The following QKI variants were observed in gnomAD, a reference collection of about 807,000 sequenced individuals.
QKI encodes KH domain-containing RNA-binding protein QKI.
A neutral mutation model predicts 39.0 loss-of-function variants in QKI; 10 were observed. That is an observed-to-expected ratio of 0.26 (90% confidence interval 0.16 to 0.43). The LOEUF is 0.43. QKI is among the 20% of genes least tolerant of loss of function. The pLI is 1.00. For synonymous variants in QKI, 204 were observed against 155.4 expected (o/e 1.31, Z -2.33); for missense variants, 218 against 428.0 (o/e 0.51, Z 4.33).
intron 1 of QKI, among the ~76,000 whole-genome samples, chr6:163,433,770 A>G (rs911697736): frequency 2.0e-5 from 3 of 151,968 alleles, no homozygotes; most frequent in Non-Finnish European, 2.9e-5. Flanking sequence ...CCTCTCATAA[A>G]AAAAAAAGAA....
intron 2 of QKI, among the ~76,000 whole-genome samples, chr6:163,458,403 T>C (rs977177519): frequency 2.0e-5 from 3 of 152,214 alleles, no homozygotes; most frequent in African/African-American, 4.8e-5. Context: ...AGGAATCTTT[T>C]TGTCTTTCAG....
intron 7 of QKI, 173 bp downstream of exon 7, chr6:163,566,968 T>C (rs1007000893): frequency 1.4e-6 from 2 of 1,382,038 alleles, no homozygotes; most frequent in Admixed American, 6.9e-5. Context: ...TTTGTTTTGG[T>C]TTGGTTTTTT....
At chr6:163,520,035 A>T (rs1164790173) in intron 3 of QKI, among the ~76,000 whole-genome samples, 1 of 152,158 alleles carries the variant, frequency 6.6e-6, no homozygotes, top group African/African-American at 2.4e-5. Flanking sequence ...CCAGTGAAAC[A>T]TTTTAGAGCT....
At position 163,576,840 on chromosome 6, in the gene QKI, GTTA is replaced by G. The variant is rs762251932; in HGVS notation, c.*6135_*6137del. 2.0e-5 allele frequency: 3 copies of G among 152,190 alleles called. No homozygotes were observed. Among genetic ancestry groups the G allele is most frequent in the Non-Finnish European group, 2.9e-5 (2 of 68,042 alleles). The allele number at this position is 152,190 out of a possible 1,614,324, so 9.4% of individuals were successfully genotyped here. On this transcript the variant is annotated 3_prime_UTR_variant, in exon 8 of 8. Transcript: ENST00000361752. ...AAATGTAAGAATTTGACATTCTGGA[GTTA>G]TTATAACATTAGAAAATGAGCATAA... is the stretch of plus-strand genomic sequence containing the variant.
intron 1 of QKI, among the ~76,000 whole-genome samples, chr6:163,436,622 A>C (rs1324105314): frequency 1.3e-5 from 2 of 151,680 alleles, no homozygotes; most frequent in African/African-American, 4.8e-5. Flanking sequence ...AAGACCAGCC[A>C]GGCCAACATG....
At chr6:163,568,526 G>C (rs553628922) in intron 7 of QKI, 56 of 983,250 alleles carry the variant, frequency 5.7e-5, no homozygotes, top group Non-Finnish European at 6.5e-5. Flanking sequence ...CAGAGTACTC[G>C]TATACTTATC....
chr6:163,438,155 T>C (rs1246825553), intron 1 of QKI, among the ~76,000 whole-genome samples: 1 of 152,164 alleles, frequency 6.6e-6, no homozygotes, highest in African/African-American at 2.4e-5. Context: ...TTAGGTGTCT[T>C]TTCTAAGTAT....
At chr6:163,465,780 C>G (rs114689991) in intron 2 of QKI, among the ~76,000 whole-genome samples, 3 of 151,916 alleles carry the variant, frequency 2.0e-5, no homozygotes, top group African/African-American at 7.3e-5. Flanking sequence ...CAAAAATCAA[C>G]ATACAAAAAT....
rs534572170 is a variant in QKI, at chr6:163,435,815, A to G, written c.143-19464A>G. Among the ~76,000 whole-genome samples the G allele has an allele frequency of 2.0e-5, 3 of 152,282 alleles. No individual in the cohort carries two copies. The South Asian group carries it at 6.2e-4, about 32-fold the overall frequency. On this transcript the variant is annotated intron_variant, in intron 1 of 7. Transcript: ENST00000361752. ...GCTTATAATTAACACTACTGACAGA[A>G]TGTTTGTCATATAAATGATCAGTCT...
intron 1 of QKI, chr6:163,415,942 A>G (rs1302741582): frequency 5.9e-6 from 3 of 510,520 alleles, no homozygotes; most frequent in African/African-American, 5.8e-5. Context: ...AGGAGACCGA[A>G]ATTATGCTGG....
chr6:163,429,301 T>A (rs1788653297), intron 1 of QKI, among the ~76,000 whole-genome samples: 1 of 152,146 alleles, frequency 6.6e-6, no homozygotes, highest in African/African-American at 2.4e-5. Context: ...AAGTTAAAAG[T>A]ACTCATCATG....
Position 163,563,586 on chromosome 6 carries a change from T to C in QKI, c.801T>C (p.Thr267=), listed in dbSNP as rs1340898295. ...QIQTAVMPNG[T]PHPTAAIVPP... Reference sequence around the variant, plus strand: ...AGACCGCTGTCATGCCAAACGGAACTCCTCACCCAACTGCTGCAATAGTTC... The same window carrying C: ...AGACCGCTGTCATGCCAAACGGAACCCCTCACCCAACTGCTGCAATAGTTC... Residue 267 remains threonine, a synonymous_variant, in exon 6 of 8, where the codon ACT becomes ACC. Coordinates refer to ENST00000361752, the MANE Select transcript of QKI (RefSeq NM_006775.3). 6.2e-7 allele frequency: 1 copy of C among 1,614,170 alleles called. No individual in the cohort carries two copies.
chr6:163,431,800 T>TAA lies in QKI; in HGVS notation c.142+16477_142+16478dup, dbSNP rs66790166. Among the ~76,000 whole-genome samples, 957 of 127,254 alleles carry TAA rather than the reference T, an allele frequency of 7.5e-3. 9 individuals carry two copies. The highest frequency in any genetic ancestry group is 0.014 in the Admixed American group (180 of 12,474). 83.5% of individuals were successfully genotyped at this position (127,254 alleles called of 152,430 possible). On this transcript the variant is annotated intron_variant, in intron 1 of 7. Coordinates refer to ENST00000361752, the MANE Select transcript of QKI (RefSeq NM_006775.3). The stretch of plus-strand genomic sequence containing the variant: ...ATTTGGAAGGCCCTAAAGATTTTTG[T>TAA]AAAAAAAAAAAAACAAAAAACTGTT...
At position 163,577,560 on chromosome 6, in the gene QKI, T is replaced by C. The variant is rs1777647610; in HGVS notation, c.*6850T>C. 1 of 152,504 alleles carries C rather than the reference T, an allele frequency of 6.6e-6. No individual in the cohort carries two copies. Among genetic ancestry groups the C allele is most frequent in the Non-Finnish European group, 1.5e-5 (1 of 68,052 alleles). 9.4% of individuals were successfully genotyped at this position (152,504 alleles called of 1,614,324 possible). On this transcript the variant is annotated 3_prime_UTR_variant, in exon 8 of 8. Transcript: ENST00000361752. ...AATTAAACGGTCCCCTGAAGCCAAGTATTCCCTGGTTAGTCGCCACCCCAC... is the reference window on the plus strand; with the variant it reads ...AATTAAACGGTCCCCTGAAGCCAAGCATTCCCTGGTTAGTCGCCACCCCAC...
chr6:163,459,086 T>C (rs987655843), intron 2 of QKI, among the ~76,000 whole-genome samples: 1 of 152,160 alleles, frequency 6.6e-6, no homozygotes, highest in Non-Finnish European at 1.5e-5. Context: ...CTGGTTAGGG[T>C]GAAGCCTAGC....
At chr6:163,569,389 A>G (rs775313638) in intron 7 of QKI, 9 of 1,259,838 alleles carry the variant, frequency 7.1e-6, no homozygotes, top group Non-Finnish European at 9.2e-6. Context: ...GTGGCACAGA[A>G]TCTAACTTTG....
At chr6:163,431,177 C>T (rs1699040788) in intron 1 of QKI, among the ~76,000 whole-genome samples, 1 of 151,380 alleles carries the variant, frequency 6.6e-6, no homozygotes, top group Non-Finnish European at 1.5e-5. Flanking sequence ...TCAAAGTACC[C>T]CTTGGAAAAA....
rs6936152 is a variant in QKI at position 163,480,259 on chromosome 6, T to C, written c.402+1363T>C. The stretch of plus-strand genomic sequence containing the variant: ...TCTGTCTGTCTGTCTGTCTGTCTCT[T>C]TCTCTCTCTCTCTCTCTCTTTCTTC... On this transcript the variant is annotated intron_variant, in intron 3 of 7. Coordinates refer to ENST00000361752, the MANE Select transcript of QKI (RefSeq NM_006775.3). Among the ~76,000 whole-genome samples, 621 of 149,550 alleles carry C rather than the reference T, an allele frequency of 4.2e-3. 3 individuals are homozygous for C. Among genetic ancestry groups the C allele is most frequent in the African/African-American group, 0.013 (539 of 40,686 alleles).
chr6:163,556,605 A>G (rs1782642519), intron 4 of QKI, among the ~76,000 whole-genome samples: 1 of 151,994 alleles, frequency 6.6e-6, no homozygotes, highest in African/African-American at 2.4e-5. Flanking sequence ...ATTTATACAT[A>G]CCCATAATTG....
Sources: allele counts gnomAD v4.1 joint callset (sites outside exome capture counted in the v4.1 genomes callset), GRCh38; gene constraint gnomAD v4.1.1; transcripts MANE v1.5; gene names NCBI Gene and HGNC (gene_info 2026-07-23, HGNC 2026-07-21).